NELFA: variants seen among roughly 807,000 people sequenced by gnomAD.
The protein encoded by NELFA is negative elongation factor complex member A, also known as negative elongation factor A.
In NELFA, 35 loss-of-function variants were observed where a neutral mutation model predicts 51.8. That is an observed-to-expected ratio of 0.68 (90% CI 0.52 to 0.90). The LOEUF is 0.90. Ranked by LOEUF, NELFA falls within the 40% of genes least tolerant of loss-of-function variation. NELFA has a pLI of 0.00. For synonymous variants in NELFA, 417 were observed against 338.4 expected, an observed-to-expected ratio of 1.23 and a Z score of -2.55; for missense variants, 658 against 746.4, an observed-to-expected ratio of 0.88 and a Z score of 1.38.
chr4:1,990,195 T>C (rs533193322), intron 2 of NELFA: 19 of 417,316 alleles, frequency 4.6e-5, no homozygotes, highest in Non-Finnish European at 8.2e-5. Flanking sequence ...GAACATGAAA[T>C]GTTAACAGAT....
intron 6 of NELFA, 60 bp from the exon 7 acceptor site, chr4:1,985,924 GC>G: frequency 6.8e-7 from 1 of 1,463,132 alleles, no homozygotes; most frequent in East Asian, 2.4e-5. Flanking sequence ...TCAGCTCAGG[GC>G]AGCGGCAGGG....
chr4:2,004,522 C>G (rs1460462034), intron 1 of NELFA, among the ~76,000 whole-genome samples: 2 of 152,010 alleles, frequency 1.3e-5, no homozygotes, highest in Admixed American at 1.3e-4. Flanking sequence ...GGGTCTCATT[C>G]TGTCGGCCAG....
At chr4:2,008,023 CAG>C (rs1273521308) in intron 1 of NELFA, 8 of 456,874 alleles carry the variant, frequency 1.8e-5, no homozygotes, top group African/African-American at 4.0e-5. Context: ...AAAACGGACA[CAG>C]AGCGCTCCGG....
intron 1 of NELFA, among the ~76,000 whole-genome samples, chr4:1,993,903 C>A (rs1255143686): frequency 6.6e-6 from 1 of 151,652 alleles, no homozygotes; most frequent in African/African-American, 2.4e-5. Flanking sequence ...CCAGGTCCAG[C>A]GATTCTCCTG....
In NELFA at chr4:1,989,621, A is replaced by T; in HGVS notation, c.544+87T>A. ...ATGCCTGGCCCAGAACGCCACCTTG[A>T]AGGGGCAGTCTTGGTACCTTAGAAC... On this transcript the variant is annotated intron_variant, in intron 3 of 10. Coordinates refer to ENST00000382882, the MANE Select transcript of NELFA (RefSeq NM_005663.5). The surrounding 1 kb of genome is among the most constrained non-coding windows in gnomAD (Gnocchi z 4.8). 7.0e-7 allele frequency: 1 copy of T among 1,427,862 alleles called. No homozygotes were observed. The highest frequency in any genetic ancestry group is 1.4e-5 in the South Asian group (1 of 73,284). 88.4% of individuals were successfully genotyped at this position (1,427,862 alleles called of 1,614,324 possible).
intron 1 of NELFA, among the ~76,000 whole-genome samples, 191 bp downstream of exon 1, chr4:2,008,559 G>C (rs540061731): frequency 4.8e-5 from 7 of 146,924 alleles, no homozygotes; most frequent in Non-Finnish European, 7.5e-5. Context: ...AGGACCCAGG[G>C]GGAGGTGAGG....
intron 1 of NELFA, among the ~76,000 whole-genome samples, chr4:1,994,974 T>C (rs1338201099): frequency 6.6e-6 from 1 of 152,258 alleles, no homozygotes; most frequent in East Asian, 1.9e-4. Context: ...ATGTGTCAAC[T>C]TGACTGGGCC....
intron 1 of NELFA, among the ~76,000 whole-genome samples, chr4:1,995,097 C>T (rs566426134): frequency 1.6e-4 from 24 of 152,232 alleles, no homozygotes; most frequent in Non-Finnish European, 3.2e-4. Flanking sequence ...CTCCCTACTG[C>T]TGAGTGGGTC....
intron 1 of NELFA, among the ~76,000 whole-genome samples, chr4:2,007,586 G>C (rs761473171): frequency 1.4e-4 from 22 of 152,026 alleles, no homozygotes; most frequent in Non-Finnish European, 3.1e-4. Flanking sequence ...GCCATTTAGG[G>C]GTGCATAAAT....
Position 1,989,955 on chromosome 4 carries a change from C to T in NELFA, c.383-86G>A. The T allele has an allele frequency of 4.6e-6, 7 of 1,507,046 alleles. No individual in the cohort carries two copies. Among genetic ancestry groups the T allele is most frequent in the Non-Finnish European group, 5.4e-6 (6 of 1,116,086 alleles). 93.4% of individuals were successfully genotyped at this position (1,507,046 alleles called of 1,614,324 possible). ...GAGCTGGCGGCTGCCCAGCCCCACA[C>T]CCTCCTCAGTTAGGGTTAGGTCATG... On this transcript the variant is annotated intron_variant, in intron 2 of 10. Transcript: ENST00000382882. This position sits in a 1 kb window ranked among gnomAD's most constrained non-coding sequence, Gnocchi z 4.8.
chr4:2,002,392 A>G (rs959239632), intron 1 of NELFA, among the ~76,000 whole-genome samples: 5 of 152,196 alleles, frequency 3.3e-5, no homozygotes, highest in African/African-American at 1.2e-4. Flanking sequence ...TTTAAATTTC[A>G]TATGGAATCA....
chr4:1,988,099 G>A (rs1414351639), intron 3 of NELFA, 92 bp from the exon 4 acceptor site: 11 of 1,112,372 alleles, frequency 9.9e-6, no homozygotes, highest in Admixed American at 8.9e-5. Context: ...TTCATCCGAC[G>A]GCCTGAGCCG....
At chr4:1,991,518 A>G in intron 2 of NELFA, 26 bp downstream of exon 2, 1 of 1,609,212 alleles carries the variant, frequency 6.2e-7, no homozygotes, top group Non-Finnish European at 8.5e-7. Flanking sequence ...CCTCCACCCA[A>G]CATGAATTAA....
chr4:2,001,760 G>A (rs914235323), intron 1 of NELFA, among the ~76,000 whole-genome samples: 8 of 151,986 alleles, frequency 5.3e-5, no homozygotes, highest in African/African-American at 1.2e-4. Context: ...CAAATTAGCC[G>A]GGCGTGGTGG....
chr4:1,987,780 G>A (rs1728150513), intron 4 of NELFA, 138 bp downstream of exon 4: 2 of 725,364 alleles, frequency 2.8e-6, no homozygotes, highest in Non-Finnish European at 4.3e-6. Flanking sequence ...CAGTGCCTTC[G>A]CTTTCCCACG....
At chr4:1,988,319 C>T (rs1353911075) in intron 3 of NELFA, among the ~76,000 whole-genome samples, 1 of 152,258 alleles carries the variant, frequency 6.6e-6, no homozygotes, top group Non-Finnish European at 1.5e-5. Context: ...CCCGGGCCTC[C>T]CCCTGGCCCA....
At chr4:1,984,177 TC>T in intron 8 of NELFA, 64 bp from the exon 9 acceptor site, 1 of 1,436,220 alleles carries the variant, frequency 7.0e-7, no homozygotes, top group South Asian at 1.5e-5. Flanking sequence ...ACCCTAGTGC[TC>T]CTGGAGGTGA....
At chr4:1,987,477 C>T (rs557454020) in intron 4 of NELFA, 17 of 162,344 alleles carry the variant, frequency 1.0e-4, no homozygotes, top group East Asian at 5.4e-4. Context: ...CAGCTGAGCA[C>T]GGTCACGTCC....
chr4:1,991,592 C>T lies in NELFA; in HGVS notation c.334G>A (p.Glu112Lys). The change falls in exon 2 of 11, where the codon GAG becomes AAG. Residue 112 changes from glutamate to lysine, a missense_variant. Physicochemically the swap from Glu to Lys is moderately conservative, Grantham distance 56. Transcript: ENST00000382882. Reference sequence around the variant, plus strand: ...ATATCCTGAACGTTGGGATTCTGCTCCTCCAGCTCCAGGTTAAGCGAGCCT... The same window carrying T: ...ATATCCTGAACGTTGGGATTCTGCTTCTCCAGCTCCAGGTTAAGCGAGCCT... ...DTGSLNLELE[E>K]QNPNVQDILG... 3 of 1,614,122 alleles carry T rather than the reference C, an allele frequency of 1.9e-6. No individual in the cohort carries two copies. Among genetic ancestry groups the T allele is most frequent in the Non-Finnish European group, 2.5e-6 (3 of 1,180,034 alleles).
Sources: allele counts gnomAD v4.1 joint callset (sites outside exome capture counted in the v4.1 genomes callset), GRCh38; gene constraint gnomAD v4.1.1; non-coding constraint Gnocchi (gnomAD v3.1); transcripts MANE v1.5; gene names NCBI Gene and HGNC (gene_info 2026-07-23, HGNC 2026-07-21).